CNTN4: variants seen among roughly 807,000 people sequenced by gnomAD.
The protein encoded by CNTN4 is contactin-4.
Under a neutral mutation model 122.5 loss-of-function variants are expected in CNTN4, and 77 were observed. The observed-to-expected ratio is 0.63, with a 90% confidence interval of 0.52 to 0.76. The LOEUF (loss-of-function observed/expected upper bound fraction) is 0.76, where lower values mean the gene tolerates loss of function less well. Ranked by LOEUF, CNTN4 falls within the 30% of genes least tolerant of loss-of-function variation. The pLI, the probability that CNTN4 is intolerant of heterozygous loss-of-function variation, is 0.00. For missense variants in CNTN4, 1,256 were observed against 1,259.1 expected, an observed-to-expected ratio of 1.00 and a Z score of 0.04; for synonymous variants, 512 against 447.0, an observed-to-expected ratio of 1.15 and a Z score of -1.83.
chr3:2,389,579 T>C (rs2046372408), intron 3 of CNTN4, among the ~76,000 whole-genome samples: 2 of 152,222 alleles, frequency 1.3e-5, no homozygotes, highest in South Asian at 4.1e-4. Context: ...CCTCTTTCCT[T>C]TTTTCTTCCT....
Position 3,038,997 on chromosome 3 carries a change from C to T in CNTN4, c.2157C>T (p.Thr719=), listed in dbSNP as rs2125746362. The T allele has an allele frequency of 1.9e-6, 3 of 1,613,322 alleles. No individual in the cohort carries two copies. The highest frequency in any genetic ancestry group is 1.7e-6 in the Non-Finnish European group (2 of 1,179,248). Residue 719 remains threonine, a synonymous_variant, in exon 19 of 25, where the codon ACC becomes ACT. Coordinates refer to ENST00000418658, the MANE Select transcript of CNTN4 (RefSeq NM_175607.3). ...GCAGCAAATCTGAACTGGTTATAAC[C>T]TGGGAGGTAAATGAATCACAGAATA... ...GGGSKSELVI[T]WETVPEELQN...
At chr3:2,608,688 G>T (rs1008282274) in intron 4 of CNTN4, among the ~76,000 whole-genome samples, 9 of 150,504 alleles carry the variant, frequency 6.0e-5, no homozygotes. Context: ...TCACCGTGTT[G>T]GCCAGGCTGA....
At chr3:2,907,193 A>C (rs1326998809) in intron 12 of CNTN4, among the ~76,000 whole-genome samples, 1 of 152,220 alleles carries the variant, frequency 6.6e-6, no homozygotes, top group Non-Finnish European at 1.5e-5. Context: ...TGGATCAAAT[A>C]ACTAAATTGT....
At chr3:2,687,180 G>A (rs749847555) in intron 4 of CNTN4, among the ~76,000 whole-genome samples, 17 of 37,186 alleles carry the variant, frequency 4.6e-4, no homozygotes, top group East Asian at 1.7e-3. Flanking sequence ...TCTGATTTCC[G>A]TTGGTGATAT....
intron 12 of CNTN4, among the ~76,000 whole-genome samples, chr3:2,911,965 A>G (rs61274946): frequency 0.023 from 3,526 of 152,294 alleles, 119 homozygotes; most frequent in African/African-American, 0.08. Context: ...GTGCAACAAT[A>G]TAAGTGTTAT....
chr3:2,622,628 G>A (rs750145913), intron 4 of CNTN4, among the ~76,000 whole-genome samples: 1 of 152,158 alleles, frequency 6.6e-6, no homozygotes, highest in African/African-American at 2.4e-5. Context: ...GGAATATGGG[G>A]GCAGTTATGG....
chr3:2,607,434 A>G (rs1352511677), intron 4 of CNTN4, among the ~76,000 whole-genome samples: 3 of 152,320 alleles, frequency 2.0e-5, no homozygotes, highest in South Asian at 2.1e-4. Flanking sequence ...GTTTATTCAT[A>G]TAATGGAATA....
intron 13 of CNTN4, among the ~76,000 whole-genome samples, chr3:2,957,602 C>T (rs2094813752): frequency 6.6e-6 from 1 of 152,114 alleles, no homozygotes; most frequent in African/African-American, 2.4e-5. Flanking sequence ...CCCCACCTTC[C>T]CCACTCTAAC....
At chr3:3,020,536 C>G (rs1197869337) in intron 14 of CNTN4, among the ~76,000 whole-genome samples, 2 of 152,152 alleles carry the variant, frequency 1.3e-5, no homozygotes, top group Non-Finnish European at 2.9e-5. Context: ...TTTTTCCAGC[C>G]TGGCTGGCCA....
chr3:3,045,276 G>A (rs1197143278), intron 23 of CNTN4, among the ~76,000 whole-genome samples: 1 of 152,212 alleles, frequency 6.6e-6, no homozygotes, highest in African/African-American at 2.4e-5. Flanking sequence ...GCTTTGAAGA[G>A]AATAGTGTTT....
intron 2 of CNTN4, among the ~76,000 whole-genome samples, chr3:2,136,787 A>G (rs971399893): frequency 2.0e-5 from 3 of 152,176 alleles, no homozygotes; most frequent in African/African-American, 7.2e-5. Context: ...ACTCAAAAGA[A>G]TTGATTCCGT....
chr3:2,431,356 T>C (rs1426813881), intron 3 of CNTN4, among the ~76,000 whole-genome samples: 1 of 152,204 alleles, frequency 6.6e-6, no homozygotes, highest in East Asian at 1.9e-4. Context: ...AAAATGTACT[T>C]CTTTTTTATA....
chr3:2,705,900 T>C lies in CNTN4; in HGVS notation c.56-30315T>C, dbSNP rs868377337. ...TATTTTTTATATAATATATAAAATA[T>C]ATATTATATATAAAATATATGTAAT... On this transcript the variant is annotated intron_variant, in intron 4 of 24. Coordinates refer to ENST00000418658, the MANE Select transcript of CNTN4 (RefSeq NM_175607.3). Among the ~76,000 whole-genome samples, 26 of 62,244 alleles carry C rather than the reference T, an allele frequency of 4.2e-4. 1 individual carries two copies. The highest frequency in any genetic ancestry group is 1.3e-3 in the African/African-American group (26 of 20,040). The allele number at this position is 62,244 out of a possible 152,430, so 40.8% of individuals were successfully genotyped here.
intron 3 of CNTN4, among the ~76,000 whole-genome samples, chr3:2,529,624 A>G (rs1044573367): frequency 1.3e-5 from 2 of 152,180 alleles, no homozygotes; most frequent in Non-Finnish European, 2.9e-5. Flanking sequence ...AGAAATCAAC[A>G]TGAGAGGAGA....
At chr3:2,806,026 C>T (rs779620179) in intron 6 of CNTN4, among the ~76,000 whole-genome samples, 9 of 152,070 alleles carry the variant, frequency 5.9e-5, no homozygotes, top group South Asian at 2.1e-4. Context: ...CTCAGCCTCC[C>T]GAGTAGCTGG....
chr3:2,981,633 G>A (rs1480859266), intron 13 of CNTN4, among the ~76,000 whole-genome samples: 5 of 152,102 alleles, frequency 3.3e-5, no homozygotes, highest in Non-Finnish European at 5.9e-5. Flanking sequence ...AAATGGAAAG[G>A]AAGAAAATAT....
In CNTN4 at chr3:3,040,927, C is replaced by CA. The variant is rs3053504; in HGVS notation, c.2398+671dup. 476 of 141,850 alleles carry CA rather than the reference C, an allele frequency of 3.4e-3. 2 individuals carry two copies. The highest frequency in any genetic ancestry group is 8.1e-3 in the African/African-American group (323 of 39,912). 8.8% of individuals were successfully genotyped at this position (141,850 alleles called of 1,614,324 possible). On this transcript the variant is annotated intron_variant, in intron 20 of 24. Transcript: ENST00000418658. ...GGGCAACAAGAGCAAAACTCCATCT[C>CA]AAAAAAAAAAAAAAATCTCACTTAT...
chr3:3,053,888 G>C lies in CNTN4; in HGVS notation c.2893G>C (p.Asp965His). 6.2e-7 allele frequency: 1 copy of C among 1,614,094 alleles called. No individual in the cohort carries two copies. The highest frequency in any genetic ancestry group is 8.5e-7 in the Non-Finnish European group (1 of 1,179,962). The change falls in exon 24 of 25, where the codon GAT becomes CAT. Residue 965 changes from aspartate to histidine, a missense_variant. By Grantham distance (81) the Asp-to-His change is moderately conservative. Coordinates refer to ENST00000418658, the MANE Select transcript of CNTN4 (RefSeq NM_175607.3). ...KTSVELSLPFDEDYIIEIKPF... is the reference protein window; with the variant it reads ...KTSVELSLPFHEDYIIEIKPF... ...ATCGGTGGAGCTTTCTTTGCCTTTC[G>C]ATGAAGATTATATAATAGAAATTAA...
chr3:2,960,430 C>G (rs1010768473), intron 13 of CNTN4, among the ~76,000 whole-genome samples: 2 of 151,980 alleles, frequency 1.3e-5, no homozygotes, highest in Non-Finnish European at 2.9e-5. Flanking sequence ...AATATACTGT[C>G]TCTCTCAAAA....
Sources: allele counts gnomAD v4.1 joint callset (sites outside exome capture counted in the v4.1 genomes callset), GRCh38; gene constraint gnomAD v4.1.1; transcripts MANE v1.5; gene names NCBI Gene and HGNC (gene_info 2026-07-23, HGNC 2026-07-21).